The following RNF220 variants were observed in gnomAD, a reference collection of about 807,000 sequenced individuals.
The protein encoded by RNF220 is E3 ubiquitin-protein ligase RNF220.
In RNF220, 7 loss-of-function variants were observed where a neutral mutation model predicts 67.1. That is an observed-to-expected ratio of 0.10 (90% CI 0.06 to 0.20). The LOEUF is 0.20. Among genes scored for constraint, RNF220 ranks in the 10% least tolerant of loss-of-function variants. The probability of loss-of-function intolerance (pLI) is 1.00; values close to 1 mark genes in which losing one functional copy is unlikely to be tolerated. For missense variants in RNF220, 565 were observed against 740.3 expected (o/e 0.76, Z 2.75); for synonymous variants, 270 against 283.2 (o/e 0.95, Z 0.47).
intron 6 of RNF220, 143 bp downstream of exon 6, chr1:44,632,528 C>T: frequency 1.3e-6 from 1 of 775,140 alleles, no homozygotes; most frequent in South Asian, 1.6e-5. Flanking sequence ...TGAGTATGTG[C>T]AAACCAAAGC....
At chr1:44,423,948 C>G (rs1649483650) in intron 2 of RNF220, 1 of 985,300 alleles carries the variant, frequency 1.0e-6, no homozygotes, top group Admixed American at 6.1e-5. Flanking sequence ...ACAGTTCCTT[C>G]CAGGCGGGGC....
chr1:44,413,949 T>C (rs1285510677), intron 2 of RNF220, among the ~76,000 whole-genome samples: 1 of 152,266 alleles, frequency 6.6e-6, no homozygotes, highest in African/African-American at 2.4e-5. Context: ...AGCGTACCTT[T>C]TCAATAAAAG....
At chr1:44,641,386 G>A (rs1644484768) in intron 8 of RNF220, among the ~76,000 whole-genome samples, 1 of 152,168 alleles carries the variant, frequency 6.6e-6, no homozygotes, top group South Asian at 2.1e-4. Context: ...GGAGGTCCTG[G>A]GGGCTGAGTT....
rs745605044 is a variant in RNF220 at position 44,645,306 on chromosome 1, G to A, written c.1366+30G>A. On this transcript the variant is annotated intron_variant, in intron 11 of 14. Transcript: ENST00000361799. This position sits in a 1 kb window ranked among gnomAD's most constrained non-coding sequence, Gnocchi z 5.0. ...GTCCTGCCCCAGGTTAGGAGTAATG[G>A]GGGAGAGGGGGTATCCCTAGATGGT... is the stretch of plus-strand genomic sequence containing the variant. 6.2e-7 allele frequency: 1 copy of A among 1,613,744 alleles called. No homozygotes were observed. Among genetic ancestry groups the A allele is most frequent in the Non-Finnish European group, 8.5e-7 (1 of 1,179,782 alleles).
intron 3 of RNF220, among the ~76,000 whole-genome samples, chr1:44,614,914 C>G (rs1167619897): frequency 1.3e-5 from 2 of 152,192 alleles, no homozygotes; most frequent in Admixed American, 1.3e-4. Flanking sequence ...TTAAAGCAAC[C>G]ATTTCATTGT....
chr1:44,537,822 C>A (rs546358814), intron 2 of RNF220, among the ~76,000 whole-genome samples: 2 of 152,300 alleles, frequency 1.3e-5, no homozygotes, highest in Admixed American at 1.3e-4. Context: ...GTGTGACCAG[C>A]CCGCCTTTGT....
chr1:44,553,758 A>G (rs2148266040), intron 2 of RNF220, among the ~76,000 whole-genome samples: 1 of 152,344 alleles, frequency 6.6e-6, no homozygotes, highest in South Asian at 2.1e-4. Flanking sequence ...CAAGAAACAG[A>G]GGCCCACGAA....
At chr1:44,607,628 C>T (rs953549428) in intron 2 of RNF220, among the ~76,000 whole-genome samples, 8 of 152,056 alleles carry the variant, frequency 5.3e-5, no homozygotes, top group African/African-American at 1.7e-4. Context: ...GCTGGGACTA[C>T]AGGCGCCCGC....
chr1:44,415,089 C>A (rs972756402), intron 2 of RNF220, among the ~76,000 whole-genome samples: 1 of 148,100 alleles, frequency 6.8e-6, no homozygotes, highest in Non-Finnish European at 1.5e-5. Flanking sequence ...CTTTTGATTG[C>A]GAATTTTTGG....
In RNF220 at chr1:44,509,093, C is replaced by T. The variant is rs536275125; in HGVS notation, c.625+96371C>T. On this transcript the variant is annotated intron_variant, in intron 2 of 14. Transcript: ENST00000361799. ...TTTCTTAATGAAATTATATCTTTTG[C>T]GTTTTCCTTTAGCTAAATACAGACA... Among the ~76,000 whole-genome samples, 33 of 152,272 alleles carry T rather than the reference C, an allele frequency of 2.2e-4. No individual in the cohort carries two copies. The East Asian group carries it at 5.2e-3, about 24-fold the overall frequency.
At chr1:44,432,111 A>G (rs1650444184) in intron 2 of RNF220, among the ~76,000 whole-genome samples, 1 of 151,820 alleles carries the variant, frequency 6.6e-6, no homozygotes, top group South Asian at 2.1e-4. Context: ...TTCTTCAACC[A>G]TGTTTTTGCT....
rs1648054538 is a variant in RNF220, at chr1:44,412,398, C to A, written c.301C>A (p.Pro101Thr). The change falls in exon 2 of 15, where the codon CCC becomes ACC. Residue 101 changes from proline (P) to threonine (T), a missense_variant. By Grantham distance (38) the Pro-to-Thr change is conservative. Coordinates refer to ENST00000361799, the MANE Select transcript of RNF220 (RefSeq NM_018150.4). This position sits in a 1 kb window ranked among gnomAD's most constrained non-coding sequence, Gnocchi z 5.3. ...SLLHLHPQFA[P>T]PNLDCTPISM... ...ACTACACCTCCACCCTCAATTTGCT[C>A]CCCCAAATCTAGATTGCACCCCAAT... 1.9e-5 allele frequency: 30 copies of A among 1,613,506 alleles called. No individual in the cohort carries two copies. Among genetic ancestry groups the A allele is most frequent in the Non-Finnish European group, 2.5e-5 (29 of 1,179,658 alleles).
At chr1:44,542,955 G>A (rs1054926334) in intron 2 of RNF220, among the ~76,000 whole-genome samples, 1 of 152,104 alleles carries the variant, frequency 6.6e-6, no homozygotes, top group Non-Finnish European at 1.5e-5. Flanking sequence ...AGGGCCAGCC[G>A]CACTGGGCCT....
intron 2 of RNF220, among the ~76,000 whole-genome samples, chr1:44,435,828 G>T (rs1377001248): frequency 6.6e-6 from 1 of 152,136 alleles, no homozygotes; most frequent in Admixed American, 6.5e-5. Flanking sequence ...TACTCGGGAG[G>T]CTGAGGCAGG....
Position 44,544,759 on chromosome 1 carries a change from T to C in RNF220, c.626-69406T>C, listed in dbSNP as rs926097447. On this transcript the variant is annotated intron_variant, in intron 2 of 14. Coordinates refer to ENST00000361799, the MANE Select transcript of RNF220 (RefSeq NM_018150.4). The stretch of plus-strand genomic sequence containing the variant: ...TAGCAGTGGGCTGCAAGGAGAAGCC[T>C]TGTGGCTGTGATTCTGCTCCATGCC... 3.3e-5 allele frequency among the ~76,000 whole-genome samples: 5 copies of C among 152,246 alleles called. 1 individual carries two copies. In the South Asian group the frequency reaches 6.2e-4, roughly 19 times the overall value.
chr1:44,649,738 G>T lies in RNF220; in HGVS notation c.1523G>T (p.Arg508Leu). 12 of 1,614,048 alleles carry T rather than the reference G, an allele frequency of 7.4e-6. No homozygotes were observed. Among genetic ancestry groups the T allele is most frequent in the Non-Finnish European group, 1.0e-5 (12 of 1,179,976 alleles). ...RVRELERQLS[R>L]GDRYKCLICM... The stretch of plus-strand genomic sequence containing the variant: ...AGAGAACTTGAACGGCAGCTATCTC[G>T]TGGGGACCGTTACAAATGCCTCATC... Residue 508 changes from arginine to leucine, a missense_variant, in exon 13 of 15, where the codon CGT becomes CTT. Transcript: ENST00000361799. This position sits in a 1 kb window ranked among gnomAD's most constrained non-coding sequence, Gnocchi z 5.9.
At chr1:44,631,776 A>AGTGGG (rs1644131172) in intron 5 of RNF220, 1 of 395,286 alleles carries the variant, frequency 2.5e-6, no homozygotes, top group African/African-American at 2.2e-5. Context: ...GGGGTCGTGG[A>AGTGGG]GTGGGGTGGA....
chr1:44,441,830 T>C lies in RNF220; in HGVS notation c.625+29108T>C, dbSNP rs572750081. On this transcript the variant is annotated intron_variant, in intron 2 of 14. Transcript: ENST00000361799. Reference sequence around the variant, plus strand: ...GAGCCATTAGGTCATAAGAATCCAATGTAAAGGAGACCTGACTTCTACCTT... The same window carrying C: ...GAGCCATTAGGTCATAAGAATCCAACGTAAAGGAGACCTGACTTCTACCTT... 5.9e-5 allele frequency among the ~76,000 whole-genome samples: 9 copies of C among 152,316 alleles called. 1 individual carries two copies. The South Asian group carries it at 1.7e-3, about 28-fold the overall frequency.
At chr1:44,578,934 G>T (rs1289177028) in intron 2 of RNF220, among the ~76,000 whole-genome samples, 1 of 152,136 alleles carries the variant, frequency 6.6e-6, no homozygotes, top group Non-Finnish European at 1.5e-5. Context: ...GGGAGGCCGA[G>T]GCGGGTGGAT....
Sources: gnomAD v4.1 joint callset for allele counts (sites outside exome capture counted in the v4.1 genomes callset) on GRCh38, gnomAD v4.1.1 for gene constraint, Gnocchi (gnomAD v3.1) non-coding constraint, MANE v1.5 for transcripts, NCBI Gene and HGNC (gene_info 2026-07-23, HGNC 2026-07-21) for gene names.